ERC2: variants seen among roughly 807,000 people sequenced by gnomAD.
ERC2 encodes the protein ELKS/RAB6-interacting/CAST family member 2.
Under a neutral mutation model 114.8 loss-of-function variants are expected in ERC2, and 42 were observed. That is an observed-to-expected ratio of 0.37 (90% CI 0.29 to 0.47). The LOEUF is 0.47. Among genes scored for constraint, ERC2 ranks in the 20% least tolerant of loss-of-function variants. The pLI is 0.99. For missense variants in ERC2, 939 were observed against 1,150.7 expected (o/e 0.82, Z 2.66); for synonymous variants, 454 against 425.5 (o/e 1.07, Z -0.82).
intron 1 of ERC2, among the ~76,000 whole-genome samples, chr3:56,444,900 A>G (rs2062491454): frequency 6.6e-6 from 1 of 152,112 alleles, no homozygotes. Context: ...ACAGACTACT[A>G]ATTCTAAAAA....
chr3:55,591,574 C>CGTGTGTGTGTGTGT (rs3059305), intron 17 of ERC2, among the ~76,000 whole-genome samples: 3 of 148,152 alleles, frequency 2.0e-5, no homozygotes, highest in Non-Finnish European at 4.5e-5. Context: ...AGTTTGTGTG[C>CGTGTGTGTGTGTGT]GTGTGTGTGT....
chr3:56,073,014 G>A (rs2076813001), intron 7 of ERC2, among the ~76,000 whole-genome samples: 2 of 152,174 alleles, frequency 1.3e-5, no homozygotes, highest in African/African-American at 2.4e-5. Flanking sequence ...ATTACTATAT[G>A]TGAAAATTGT....
At chr3:56,372,858 C>G (rs1476391808) in intron 2 of ERC2, among the ~76,000 whole-genome samples, 1 of 152,184 alleles carries the variant, frequency 6.6e-6, no homozygotes, top group African/African-American at 2.4e-5. Flanking sequence ...CTACTTAAAA[C>G]CCATATTTGA....
At chr3:55,800,943 G>A (rs182651266) in intron 14 of ERC2, among the ~76,000 whole-genome samples, 16 of 152,252 alleles carry the variant, frequency 1.1e-4, no homozygotes, top group Admixed American at 1.0e-3. Flanking sequence ...TGCAGCTCTA[G>A]GGGACTCTCT....
chr3:56,071,718 A>G (rs1420072658), intron 7 of ERC2, among the ~76,000 whole-genome samples: 1 of 152,174 alleles, frequency 6.6e-6, no homozygotes, highest in African/African-American at 2.4e-5. Context: ...CATTTCATCA[A>G]TGTCATCTCT....
At chr3:55,773,476 T>G (rs1375939958) in intron 14 of ERC2, among the ~76,000 whole-genome samples, 1 of 152,242 alleles carries the variant, frequency 6.6e-6, no homozygotes, top group Non-Finnish European at 1.5e-5. Flanking sequence ...TATCATATGC[T>G]AGGTTAAATC....
Position 56,173,624 on chromosome 3 carries a change from C to A in ERC2, c.1075-104G>T, listed in dbSNP as rs1274807452. The A allele has an allele frequency of 1.5e-5, 15 of 1,025,780 alleles. No homozygotes were observed. In the East Asian group the frequency reaches 3.6e-4, roughly 25 times the overall value. The allele number at this position is 1,025,780 out of a possible 1,614,324, so 63.5% of individuals were successfully genotyped here. ...GCCTGCTGGGTCCTGGTTCCCCTTG[C>A]ACAGACATAAACAAGCCACAGGTGT... On this transcript the variant is annotated intron_variant, in intron 3 of 17. Transcript: ENST00000288221.
intron 7 of ERC2, among the ~76,000 whole-genome samples, chr3:56,046,051 G>A (rs529327207): frequency 2.0e-5 from 3 of 152,254 alleles, no homozygotes; most frequent in South Asian, 2.1e-4. Flanking sequence ...GTAGATCCAG[G>A]GAGAGGTATG....
At chr3:55,848,882 C>G (rs191620682) in intron 14 of ERC2, among the ~76,000 whole-genome samples, 1 of 152,270 alleles carries the variant, frequency 6.6e-6, no homozygotes, top group African/African-American at 2.4e-5. Flanking sequence ...TAAGTGTGCC[C>G]ACATCTTCTT....
At chr3:56,216,501 A>G (rs1244674168) in intron 3 of ERC2, among the ~76,000 whole-genome samples, 2 of 152,238 alleles carry the variant, frequency 1.3e-5, no homozygotes, top group Non-Finnish European at 2.9e-5. Context: ...GCAATAATTA[A>G]TAGCTTACCA....
At chr3:56,165,471 TC>T (rs1310586900) in intron 4 of ERC2, among the ~76,000 whole-genome samples, 1 of 84,198 alleles carries the variant, frequency 1.2e-5, no homozygotes, top group Non-Finnish European at 2.6e-5. Flanking sequence ...CCCTCCCCCC[TC>T]CCCCCTGCAT....
At chr3:56,459,815 ACTCT>A (rs1343963542) in intron 1 of ERC2, among the ~76,000 whole-genome samples, 35 of 151,892 alleles carry the variant, frequency 2.3e-4, no homozygotes, top group Admixed American at 2.3e-3. Flanking sequence ...ATGCACACGC[ACTCT>A]CTCTCTTTTT....
intron 2 of ERC2, among the ~76,000 whole-genome samples, chr3:56,412,202 G>A (rs1273567111): frequency 6.6e-6 from 1 of 152,128 alleles, no homozygotes; most frequent in East Asian, 1.9e-4. Context: ...ACAAGCCAAG[G>A]GCTGCTGGCA....
At chr3:56,418,974 C>A (rs1171599115) in intron 2 of ERC2, among the ~76,000 whole-genome samples, 1 of 152,176 alleles carries the variant, frequency 6.6e-6, no homozygotes, top group Non-Finnish European at 1.5e-5. Flanking sequence ...TTCCCTAGAC[C>A]AAACTTCATG....
At chr3:55,708,209 A>T (rs1193464225) in intron 15 of ERC2, among the ~76,000 whole-genome samples, 4 of 152,156 alleles carry the variant, frequency 2.6e-5, no homozygotes, top group Admixed American at 1.3e-4. Context: ...CCCTAATATA[A>T]ATTCAAAAGT....
intron 2 of ERC2, among the ~76,000 whole-genome samples, chr3:56,312,133 A>G (rs2150398209): frequency 6.6e-6 from 1 of 152,236 alleles, no homozygotes; most frequent in African/African-American, 2.4e-5. Context: ...AGATTTTGGT[A>G]TCTGTGGGAG....
chr3:56,430,383 G>A (rs1224721528), intron 2 of ERC2, among the ~76,000 whole-genome samples: 1 of 152,182 alleles, frequency 6.6e-6, no homozygotes, highest in African/African-American at 2.4e-5. Context: ...TAAATTCCTA[G>A]TTAAGAATAC....
At chr3:56,090,802 C>CTT (rs34327028) in intron 6 of ERC2, among the ~76,000 whole-genome samples, 90 of 150,612 alleles carry the variant, frequency 6.0e-4, no homozygotes, top group East Asian at 5.7e-3. Flanking sequence ...TACCCTTCCT[C>CTT]TTTTTTTTAT....
chr3:55,879,916 T>A (rs2063040844), intron 14 of ERC2, among the ~76,000 whole-genome samples: 1 of 152,194 alleles, frequency 6.6e-6, no homozygotes, highest in Non-Finnish European at 1.5e-5. Context: ...TAGTAAAATA[T>A]AAGCTCCACC....
Sources: allele counts gnomAD v4.1 joint callset (sites outside exome capture counted in the v4.1 genomes callset), GRCh38; gene constraint gnomAD v4.1.1; transcripts MANE v1.5; gene names NCBI Gene and HGNC (gene_info 2026-07-23, HGNC 2026-07-21).